CUL2: variants seen among roughly 807,000 people sequenced by gnomAD.
The protein encoded by CUL2 is cullin-2.
Under a neutral mutation model 110.2 loss-of-function variants are expected in CUL2, and 22 were observed. The observed-to-expected ratio is 0.20, with a 90% CI of 0.14 to 0.28. The LOEUF (loss-of-function observed/expected upper bound fraction) is 0.28, where lower values mean the gene tolerates loss of function less well. Ranked by LOEUF, CUL2 falls within the 10% of genes least tolerant of loss-of-function variation. CUL2 has a pLI of 1.00. For missense variants in CUL2, 631 were observed against 905.5 expected, an observed-to-expected ratio of 0.70 and a Z score of 3.89; for synonymous variants, 279 against 293.2, an observed-to-expected ratio of 0.95 and a Z score of 0.49.
At chr10:35,091,774 CCACA>C (rs771315144), upstream of CUL2, among the ~76,000 whole-genome samples, 2 of 152,108 alleles carry the variant, frequency 1.3e-5, no homozygotes, top group Non-Finnish European at 2.9e-5. Flanking sequence ...AAGCCCGCCA[CCACA>C]CCCGGCTAAT....
At position 35,013,741 on chromosome 10, in the gene CUL2, T is replaced by C; in HGVS notation, c.1947A>G (p.Thr649=). 1 of 1,570,466 alleles carries C rather than the reference T, an allele frequency of 6.4e-7. No homozygotes were observed. The highest frequency in any genetic ancestry group is 8.7e-7 in the Non-Finnish European group (1 of 1,154,360). The change falls in exon 19 of 21, where the codon ACA becomes ACG. Residue 649 remains threonine, a synonymous_variant. Coordinates refer to ENST00000374749, the MANE Select transcript of CUL2 (RefSeq NM_003591.4). Reference sequence around the variant, plus strand: ...GCATTGATGTAGTAATTTTAAATTTTGTTCTTTTACTGCTAAAGTTCATAT... The same window carrying C: ...GCATTGATGTAGTAATTTTAAATTTCGTTCTTTTACTGCTAAAGTTCATAT... ...SLNMNFSSKR[T]KFKITTSMQK...
At position 35,030,029 on chromosome 10, in the gene CUL2, C is replaced by T. The variant is rs146459354; in HGVS notation, c.1387-389G>A. On this transcript the variant is annotated intron_variant, in intron 14 of 20. Transcript: ENST00000374749. ...GGTCTCACTGTTGCCCATGCTGCAACGCAGTGGCTATTCATTGGAGCCATC... is the reference window on the plus strand; with the variant it reads ...GGTCTCACTGTTGCCCATGCTGCAATGCAGTGGCTATTCATTGGAGCCATC... Among the ~76,000 whole-genome samples, 936 of 152,288 alleles carry T rather than the reference C, an allele frequency of 6.1e-3. 39 individuals are homozygous for T. Among genetic ancestry groups the T allele is most frequent in the Admixed American group, 0.054 (827 of 15,282 alleles).
chr10:35,017,456 G>T (rs1326637520), intron 17 of CUL2, among the ~76,000 whole-genome samples: 1 of 152,166 alleles, frequency 6.6e-6, no homozygotes. Context: ...CACTTTGAAA[G>T]GCCGAGGTGG....
chr10:35,023,597 T>C (rs2085256682), intron 17 of CUL2, among the ~76,000 whole-genome samples: 1 of 143,566 alleles, frequency 7.0e-6, no homozygotes, highest in South Asian at 2.1e-4. Flanking sequence ...CACCACTGGT[T>C]GTTAAAATGA....
intron 1 of CUL2, among the ~76,000 whole-genome samples, chr10:35,076,673 A>C (rs959077159): frequency 6.6e-6 from 1 of 152,166 alleles, no homozygotes; most frequent in Non-Finnish European, 1.5e-5. Flanking sequence ...CCTTTTACAT[A>C]ATATAAACAT....
chr10:35,040,120 T>G (rs1189406864), intron 8 of CUL2, among the ~76,000 whole-genome samples: 2 of 152,070 alleles, frequency 1.3e-5, no homozygotes, highest in Admixed American at 1.3e-4. Context: ...GCCACTGCAC[T>G]CTAGCCTAGG....
At chr10:35,106,533 C>T (rs547909743) in intron 1 of CUL2, among the ~76,000 whole-genome samples, 26 of 151,192 alleles carry the variant, frequency 1.7e-4, no homozygotes, top group Admixed American at 3.3e-4. Flanking sequence ...GAGGTTTCAC[C>T]GTGTTAGCCA....
chr10:35,083,194 T>C (rs2086983493), intron 1 of CUL2, among the ~76,000 whole-genome samples: 1 of 151,432 alleles, frequency 6.6e-6, no homozygotes, highest in Non-Finnish European at 1.5e-5. Context: ...AAAAGAAAGC[T>C]ATCTTCTATT....
At chr10:35,049,662 A>T in intron 6 of CUL2, 21 bp downstream of exon 6, 1 of 1,591,704 alleles carries the variant, frequency 6.3e-7, no homozygotes, top group Non-Finnish European at 8.6e-7. Context: ...TTGACTCAGT[A>T]AGATAAATGT....
At chr10:35,116,435 T>TA (rs1158235477) in intron 1 of CUL2, among the ~76,000 whole-genome samples, 1 of 152,140 alleles carries the variant, frequency 6.6e-6, no homozygotes, top group African/African-American at 2.4e-5. Context: ...CTACAAAACT[T>TA]ACTCTTTTTT....
intron 2 of CUL2, among the ~76,000 whole-genome samples, chr10:35,064,316 T>C (rs1044475865): frequency 6.6e-6 from 1 of 152,206 alleles, no homozygotes. Context: ...TAAAGTTTAA[T>C]AGAAAGATTA....
At chr10:35,085,641 G>A (rs1279406071) in intron 1 of CUL2, among the ~76,000 whole-genome samples, 1 of 150,522 alleles carries the variant, frequency 6.6e-6, no homozygotes, top group Non-Finnish European at 1.5e-5. Context: ...CTACTCGGGA[G>A]GCTGAGGCAG....
chr10:35,015,967 T>A (rs986774849), intron 18 of CUL2, among the ~76,000 whole-genome samples: 1 of 152,200 alleles, frequency 6.6e-6, no homozygotes, highest in East Asian at 1.9e-4. Flanking sequence ...TGTAACAGTA[T>A]AGGACAAATA....
intron 2 of CUL2, among the ~76,000 whole-genome samples, chr10:35,066,274 T>C (rs1018598878): frequency 2.0e-5 from 3 of 151,124 alleles, no homozygotes; most frequent in Non-Finnish European, 4.4e-5. Context: ...AAAAAATATA[T>C]AATAAAATTA....
At chr10:35,018,145 G>A (rs1356952511) in intron 17 of CUL2, among the ~76,000 whole-genome samples, 1 of 150,768 alleles carries the variant, frequency 6.6e-6, no homozygotes, top group African/African-American at 2.4e-5. Flanking sequence ...AAACTAGCAG[G>A]GCGCAGTGGC....
chr10:35,030,782 G>C (rs2085461123), intron 14 of CUL2, among the ~76,000 whole-genome samples: 1 of 151,906 alleles, frequency 6.6e-6, no homozygotes, highest in Non-Finnish European at 1.5e-5. Context: ...TGTCCCAGCT[G>C]CTCAGGAGGC....
chr10:35,031,619 G>A lies in CUL2; in HGVS notation c.1171C>T (p.Leu391Phe). ...PKSVCKAPEL[L>F]AKYCDNLLKK... ...AGTAAGTTGTCACAGTACTTAGCAA[G>A]CTCATGTAGAAATTGATAATAAATC... Residue 391 changes from leucine to phenylalanine, a missense_variant and splice_region_variant, in exon 13 of 21, where the codon CTT (leucine) becomes TTT (phenylalanine). Coordinates refer to ENST00000374749, the MANE Select transcript of CUL2 (RefSeq NM_003591.4). This position sits in a 1 kb window ranked among gnomAD's most constrained non-coding sequence, Gnocchi z 4.4. 6.2e-7 allele frequency: 1 copy of A among 1,613,868 alleles called. No homozygotes were observed. Among genetic ancestry groups the A allele is most frequent in the Non-Finnish European group, 8.5e-7 (1 of 1,179,960 alleles).
rs749619133 is a variant in CUL2 at position 35,029,644 on chromosome 10, TAAA to T, written c.1387-7_1387-5del. 49 of 1,576,804 alleles carry T rather than the reference TAAA, an allele frequency of 3.1e-5. No homozygotes were observed. The Admixed American group carries it at 4.7e-4, about 15-fold the overall frequency. On this transcript the variant is annotated splice_region_variant and splice_polypyrimidine_tract_variant and intron_variant, in intron 14 of 20. Coordinates refer to ENST00000374749, the MANE Select transcript of CUL2 (RefSeq NM_003591.4). ...TAAACTCATAACCACAGGCTTGCTA[TAAA>T]AAAGTTTTAGAAAATACATGAATTC...
chr10:35,040,215 A>T (rs1458530816), intron 8 of CUL2, among the ~76,000 whole-genome samples: 1 of 152,204 alleles, frequency 6.6e-6, no homozygotes, highest in East Asian at 1.9e-4. Context: ...GTCATAGTCA[A>T]GTATGTCAAT....
Sources: gnomAD v4.1 joint callset for allele counts (sites outside exome capture counted in the v4.1 genomes callset) on GRCh38, gnomAD v4.1.1 for gene constraint, Gnocchi (gnomAD v3.1) non-coding constraint, MANE v1.5 for transcripts, NCBI Gene and HGNC (gene_info 2026-07-23, HGNC 2026-07-21) for gene names.